Variants in PTBP1 observed in about 807,000 individuals in gnomAD.
PTBP1 encodes polypyrimidine tract-binding protein 1.
In PTBP1, 8 loss-of-function variants were observed where a neutral mutation model predicts 59.8. The observed-to-expected ratio is 0.13, with a 90% confidence interval of 0.08 to 0.24. The LOEUF (loss-of-function observed/expected upper bound fraction) is 0.24. PTBP1 is among the 10% of genes least tolerant of loss of function. The probability of loss-of-function intolerance (pLI) is 1.00; values close to 1 mark genes in which losing one functional copy is unlikely to be tolerated. For synonymous variants in PTBP1, 490 were observed against 320.7 expected, an observed-to-expected ratio of 1.53 and a Z score of -5.64; for missense variants, 686 against 767.0, an observed-to-expected ratio of 0.89 and a Z score of 1.25.
In PTBP1 at chr19:804,450, C is replaced by T. The variant is rs201979033; in HGVS notation, c.435+12C>T. On this transcript the variant is annotated intron_variant, in intron 5 of 14. Transcript: ENST00000356948. ...CTCCCAACCAGGCGGTGCGTGGCCC[C>T]GCGGCGGACCCCAGCAGCCCGGGGA... 58 of 1,607,958 alleles carry T rather than the reference C, an allele frequency of 3.6e-5. No individual in the cohort carries two copies. Among genetic ancestry groups the T allele is most frequent in the Middle Eastern group, 1.9e-4 (1 of 5,380 alleles).
intron 10 of PTBP1, 144 bp downstream of exon 10, chr19:806,700 A>G (rs1301354162): frequency 1.1e-5 from 8 of 697,756 alleles, no homozygotes; most frequent in East Asian, 1.0e-4. Context: ...CAGCGCTGAG[A>G]CCCTCCTTTT....
intron 10 of PTBP1, chr19:807,548 T>C: frequency 5.1e-6 from 2 of 389,212 alleles, no homozygotes; most frequent in South Asian, 4.8e-5. Flanking sequence ...TTTTTTCTTT[T>C]CTCCCCTTCC....
rs549429069 is a variant in PTBP1, at chr19:808,174, C to T, written c.1154-186C>T. ...AGCTTACCTGTCCTGGATGCTATGA[C>T]TTTGCTGAACGGAGCTGCTCCTGTT... is the stretch of plus-strand genomic sequence containing the variant. On this transcript the variant is annotated intron_variant, in intron 11 of 14. Transcript: ENST00000356948. This position sits in a 1 kb window ranked among gnomAD's most constrained non-coding sequence, Gnocchi z 4.7. The T allele has an allele frequency of 9.0e-5, 58 of 644,240 alleles. No individual in the cohort carries two copies. Among genetic ancestry groups the T allele is most frequent in the African/African-American group, 9.2e-5 (5 of 54,552 alleles). 39.9% of individuals were successfully genotyped at this position (644,240 alleles called of 1,614,324 possible).
Position 803,613 on chromosome 19 carries a change from T to C in PTBP1, c.92T>C (p.Met31Thr). The change falls in exon 3 of 15, where the codon ATG (methionine) becomes ACG (threonine). Residue 31 changes from methionine to threonine, a missense_variant. Transcript: ENST00000356948. The stretch of plus-strand genomic sequence containing the variant: ...TGTGTCACTAACGGACCGTTTATCA[T>C]GAGCAGCAACTCGGCTTCTGCAGGT... Reference protein sequence around the residue: ...STCVTNGPFIMSSNSASAANG... With the variant: ...STCVTNGPFITSSNSASAANG... The C allele has an allele frequency of 1.2e-6, 2 of 1,614,162 alleles. No individual in the cohort carries two copies. The highest frequency in any genetic ancestry group is 1.7e-6 in the Non-Finnish European group (2 of 1,180,000).
chr19:797,679 C>T (rs2145009359), intron 1 of PTBP1, among the ~76,000 whole-genome samples, 174 bp downstream of exon 1: 1 of 149,548 alleles, frequency 6.7e-6, no homozygotes, highest in Non-Finnish European at 1.5e-5. Flanking sequence ...TCAGGGGCTT[C>T]CCGGGGGTCT....
intron 2 of PTBP1, among the ~76,000 whole-genome samples, chr19:802,591 T>C (rs1486276953): frequency 6.6e-6 from 1 of 152,142 alleles, no homozygotes; most frequent in African/African-American, 2.4e-5. Context: ...GGGATGGCCC[T>C]GTCCTGGGGG....
intron 1 of PTBP1, among the ~76,000 whole-genome samples, 193 bp downstream of exon 1, chr19:797,698 C>T (rs1360364771): frequency 1.3e-5 from 2 of 149,038 alleles, no homozygotes; most frequent in African/African-American, 4.9e-5. Flanking sequence ...CTGGCCGCGT[C>T]CCCATCCCCC....
chr19:797,531 C>A, intron 1 of PTBP1, 26 bp downstream of exon 1: 2 of 1,490,022 alleles, frequency 1.3e-6, no homozygotes, highest in Non-Finnish European at 1.8e-6. Flanking sequence ...CCCCGCGCCC[C>A]ACCGCCCTCC....
intron 2 of PTBP1, among the ~76,000 whole-genome samples, chr19:802,650 C>G (rs1396060766): frequency 1.3e-5 from 2 of 152,202 alleles, no homozygotes; most frequent in South Asian, 2.1e-4. Context: ...CTTTGCAGAC[C>G]AAGCGCCTGT....
chr19:805,409 C>A, intron 8 of PTBP1, 83 bp from the exon 9 acceptor site: 1 of 1,403,498 alleles, frequency 7.1e-7, no homozygotes, highest in Non-Finnish European at 1.0e-6. Flanking sequence ...GCCCGCCGGC[C>A]GGGTTGGGGC....
In PTBP1 at chr19:808,793, C is replaced by G. The variant is rs1014789176; in HGVS notation, c.1463+31C>G. On this transcript the variant is annotated intron_variant, in intron 13 of 14. Coordinates refer to ENST00000356948, the MANE Select transcript of PTBP1 (RefSeq NM_002819.5). This position sits in a 1 kb window ranked among gnomAD's most constrained non-coding sequence, Gnocchi z 4.7. Reference sequence around the variant, plus strand: ...TGCTGGGCCGGGGGGCTCATGGGGCCGGGGGCGGGCAAGGGCTCTGCTTGG... The same window carrying G: ...TGCTGGGCCGGGGGGCTCATGGGGCGGGGGGCGGGCAAGGGCTCTGCTTGG... 6.3e-7 allele frequency: 1 copy of G among 1,583,218 alleles called. No homozygotes were observed. The highest frequency in any genetic ancestry group is 8.6e-7 in the Non-Finnish European group (1 of 1,162,698).
rs757193708 is a variant in PTBP1 at position 805,006 on chromosome 19, C to A, written c.718-7C>A. ...CCGGCGACGTCTCACGGTCCCTCTC[C>A]CCTCAGTCGCTGGACGGGCAGAACA... On this transcript the variant is annotated splice_polypyrimidine_tract_variant and splice_region_variant and intron_variant, in intron 7 of 14. Coordinates refer to ENST00000356948, the MANE Select transcript of PTBP1 (RefSeq NM_002819.5). 2 of 1,613,282 alleles carry A rather than the reference C, an allele frequency of 1.2e-6. No individual in the cohort carries two copies.
chr19:804,776 G>A, intron 6 of PTBP1, 53 bp from the exon 7 acceptor site: 1 of 1,607,926 alleles, frequency 6.2e-7, no homozygotes, highest in Non-Finnish European at 8.5e-7. Context: ...GAGGGGCCTG[G>A]CAGGGCTGGT....
Position 797,525 on chromosome 19 carries a change from G to A in PTBP1, c.8+20G>A, listed in dbSNP as rs371391784. The A allele has an allele frequency of 6.4e-4, 953 of 1,497,056 alleles. 8 individuals carry two copies. In the African/African-American group the frequency reaches 0.012, roughly 19 times the overall value. The allele number at this position is 1,497,056 out of a possible 1,614,324, so 92.7% of individuals were successfully genotyped here. A position where few individuals can be genotyped will look rare whatever the true frequency, so the allele number is the denominator to read the frequency against. On this transcript the variant is annotated intron_variant, in intron 1 of 14. Coordinates refer to ENST00000356948, the MANE Select transcript of PTBP1 (RefSeq NM_002819.5). The stretch of plus-strand genomic sequence containing the variant: ...GGACGGGTGAGTCGCACGTCGCCCC[G>A]CGCCCCACCGCCCTCCCCGCGCCGC...
At chr19:798,245 C>A (rs1035545753) in intron 1 of PTBP1, among the ~76,000 whole-genome samples, 1 of 152,080 alleles carries the variant, frequency 6.6e-6, no homozygotes, top group Non-Finnish European at 1.5e-5. Context: ...GAGGGGCCTT[C>A]CCGGCTCTCG....
At chr19:798,920 CTCT>C (rs2034203115) in intron 1 of PTBP1, among the ~76,000 whole-genome samples, 1 of 152,250 alleles carries the variant, frequency 6.6e-6, no homozygotes, top group Non-Finnish European at 1.5e-5. Context: ...CCGCCTCCTG[CTCT>C]CCTCGGTGGA....
intron 13 of PTBP1, among the ~76,000 whole-genome samples, chr19:809,261 C>T (rs2034734690): frequency 6.6e-6 from 1 of 152,130 alleles, no homozygotes; most frequent in African/African-American, 2.4e-5. Flanking sequence ...CCTGCTTCGG[C>T]CTCCCAAAGT....
In PTBP1 at chr19:808,258, G is replaced by C. The variant is rs887309699; in HGVS notation, c.1154-102G>C. ...AGTGGCCGATAAAGCAAACCCGGCC[G>C]GGCTGAGCCGGGCCTTGTGGGGGTG... On this transcript the variant is annotated intron_variant, in intron 11 of 14. Transcript: ENST00000356948. This position sits in a 1 kb window ranked among gnomAD's most constrained non-coding sequence, Gnocchi z 4.7. 2.0e-6 allele frequency: 2 copies of C among 998,866 alleles called. No individual in the cohort carries two copies. The highest frequency in any genetic ancestry group is 3.1e-4 in the Middle Eastern group (1 of 3,222). The allele number at this position is 998,866 out of a possible 1,614,324, so 61.9% of individuals were successfully genotyped here. A position where few individuals can be genotyped will look rare whatever the true frequency, so the allele number is the denominator to read the frequency against.
At chr19:806,628 G>C (rs762655040) in intron 10 of PTBP1, 72 bp downstream of exon 10, 69 of 1,398,366 alleles carry the variant, frequency 4.9e-5, no homozygotes, top group Non-Finnish European at 6.1e-5. Flanking sequence ...CTCGGGCTCG[G>C]GTCCCGGAGC....
Sources: allele counts gnomAD v4.1 joint callset (sites outside exome capture counted in the v4.1 genomes callset), GRCh38; gene constraint gnomAD v4.1.1; non-coding constraint Gnocchi (gnomAD v3.1); transcripts MANE v1.5; gene names NCBI Gene and HGNC (gene_info 2026-07-23, HGNC 2026-07-21).